Variants in MYOF observed in about 807,000 individuals in gnomAD.
The protein encoded by MYOF is myoferlin, also known as fer-1-like 3, myoferlin.
In MYOF, 244 loss-of-function variants were observed where a neutral mutation model predicts 284.2. The ratio of observed to expected loss-of-function variants is 0.86; its 90% CI spans 0.77 to 0.95. The LOEUF (loss-of-function observed/expected upper bound fraction) is 0.95, where lower values mean the gene tolerates loss of function less well. Ranked by LOEUF, MYOF falls within the 40% of genes least tolerant of loss-of-function variation. MYOF has a pLI of 0.00. For missense variants in MYOF, 2,496 were observed against 2,560.6 expected, an observed-to-expected ratio of 0.97 and a Z score of 0.54; for synonymous variants, 904 against 919.7, an observed-to-expected ratio of 0.98 and a Z score of 0.31.
intron 3 of MYOF, among the ~76,000 whole-genome samples, chr10:93,445,144 T>A (rs1300293199): frequency 6.6e-6 from 1 of 152,220 alleles, no homozygotes; most frequent in Non-Finnish European, 1.5e-5. Context: ...GCAGAGATAA[T>A]TGATCATTCT....
chr10:93,357,951 A>G (rs949938094), intron 29 of MYOF, among the ~76,000 whole-genome samples: 4 of 152,202 alleles, frequency 2.6e-5, no homozygotes, highest in African/African-American at 9.6e-5. Flanking sequence ...TAAACAATAG[A>G]GAGACATTCA....
chr10:93,408,925 A>C lies in MYOF; in HGVS notation c.601-10T>G. On this transcript the variant is annotated splice_polypyrimidine_tract_variant and intron_variant, in intron 6 of 53. Transcript: ENST00000359263. ...TCACTCGGACGCGGATCTGCAGCAC[A>C]GAAGGGGGATGGTTACCCAACCTTT... 7 of 1,613,754 alleles carry C rather than the reference A, an allele frequency of 4.3e-6. No homozygotes were observed. Among genetic ancestry groups the C allele is most frequent in the Non-Finnish European group, 5.9e-6 (7 of 1,179,694 alleles).
chr10:93,340,492 C>T (rs1171741975), intron 38 of MYOF, among the ~76,000 whole-genome samples: 1 of 152,144 alleles, frequency 6.6e-6, no homozygotes, highest in Admixed American at 6.5e-5. Flanking sequence ...GTCGGGAGCA[C>T]ACAGCTCACA....
chr10:93,453,989 C>T (rs886716178), intron 2 of MYOF, among the ~76,000 whole-genome samples: 1 of 152,080 alleles, frequency 6.6e-6, no homozygotes, highest in Non-Finnish European at 1.5e-5. Context: ...TCGAGACCAG[C>T]CTGACCAACA....
At chr10:93,421,675 C>T (rs1448010083) in intron 5 of MYOF, among the ~76,000 whole-genome samples, 1 of 152,160 alleles carries the variant, frequency 6.6e-6, no homozygotes, top group Non-Finnish European at 1.5e-5. Context: ...TCATTTTCCT[C>T]CTCTCTGATC....
intron 18 of MYOF, among the ~76,000 whole-genome samples, chr10:93,388,510 C>T (rs1846511989): frequency 6.6e-6 from 1 of 152,208 alleles, no homozygotes; most frequent in Admixed American, 6.5e-5. Context: ...GAAGGGTCCC[C>T]ACCTCCACAG....
intron 20 of MYOF, 142 bp downstream of exon 20, chr10:93,381,077 C>A (rs1165410741): frequency 2.1e-6 from 2 of 945,316 alleles, no homozygotes; most frequent in Admixed American, 5.4e-5. Context: ...CCCAACCACA[C>A]TCTCTTCCTC....
intron 1 of MYOF, 117 bp downstream of exon 1, chr10:93,481,990 C>T: frequency 1.0e-6 from 1 of 969,218 alleles, no homozygotes; most frequent in Non-Finnish European, 1.6e-6. Context: ...AGGTAACAAA[C>T]GCTGCTGGAG....
intron 5 of MYOF, among the ~76,000 whole-genome samples, chr10:93,422,911 T>A (rs1443106662): frequency 6.7e-6 from 1 of 149,926 alleles, no homozygotes; most frequent in African/African-American, 2.5e-5. Context: ...AACCACAGTA[T>A]TTTTTTTTTC....
In MYOF at chr10:93,438,789, C is replaced by T. The variant is rs74940310; in HGVS notation, c.237-7273G>A. On this transcript the variant is annotated intron_variant, in intron 3 of 53. Transcript: ENST00000359263. ...TCCAGGCTCACGTTTGAGAACCACG[C>T]ATCGAAGTCCAATTATTTAATAGAA... is the stretch of plus-strand genomic sequence containing the variant. 5.4e-3 allele frequency among the ~76,000 whole-genome samples: 824 copies of T among 152,106 alleles called. 9 individuals are homozygous for T. The highest frequency in any genetic ancestry group is 0.019 in the African/African-American group (801 of 41,506).
At position 93,328,868 on chromosome 10, in the gene MYOF, G is replaced by A; in HGVS notation, c.5026C>T (p.Leu1676=). The part of the protein sequence containing the change: ...TWRDQLRPTQ[L]LQNVARFKGF... ...TTGAATCTGGCGACATTTTGAAGCA[G>A]CTGTGTTGGTCTCAGTTGATCTCGC... Residue 1676 remains leucine (L), a synonymous_variant, in exon 45 of 54, where the codon CTG becomes TTG. Transcript: ENST00000359263. The A allele has an allele frequency of 3.7e-6, 6 of 1,613,682 alleles. No homozygotes were observed. In the South Asian group the frequency reaches 6.6e-5, roughly 18 times the overall value.
At chr10:93,443,779 G>A (rs567527860) in intron 3 of MYOF, among the ~76,000 whole-genome samples, 13 of 152,148 alleles carry the variant, frequency 8.5e-5, no homozygotes, top group Non-Finnish European at 1.5e-4. Flanking sequence ...TGTGTCAGGT[G>A]GGAGGGTAAA....
intron 5 of MYOF, among the ~76,000 whole-genome samples, chr10:93,410,585 A>C (rs1847861137): frequency 6.6e-6 from 1 of 152,050 alleles, no homozygotes; most frequent in South Asian, 2.1e-4. Context: ...AAAACCAAAA[A>C]CCAAAAATCA....
At chr10:93,378,697 A>ATATATATATGTATATATATATATG (rs1845969000) in intron 21 of MYOF, among the ~76,000 whole-genome samples, 1 of 63,936 alleles carries the variant, frequency 1.6e-5, no homozygotes, top group African/African-American at 8.3e-5. Flanking sequence ...GTGTGTGTAT[A>ATATATATATGTATATATATATATG]TATATATATA....
intron 41 of MYOF, among the ~76,000 whole-genome samples, chr10:93,335,646 G>A (rs954058755): frequency 1.5e-5 from 2 of 136,898 alleles, no homozygotes; most frequent in African/African-American, 5.3e-5. Context: ...TGCTTGGCGT[G>A]AGCAGGGAGG....
At chr10:93,461,004 A>G (rs1373243837) in intron 1 of MYOF, among the ~76,000 whole-genome samples, 1 of 151,968 alleles carries the variant, frequency 6.6e-6, no homozygotes, top group African/African-American at 2.4e-5. Context: ...CTGAGGCAGG[A>G]GAATCGCTTG....
At chr10:93,440,269 G>T (rs777302853) in intron 3 of MYOF, among the ~76,000 whole-genome samples, 1 of 152,028 alleles carries the variant, frequency 6.6e-6, no homozygotes, top group Non-Finnish European at 1.5e-5. Context: ...AAAATTAGTC[G>T]GGCGTGGTGG....
chr10:93,329,683 T>C lies in MYOF; in HGVS notation c.4963A>G (p.Ile1655Val), dbSNP rs930080292. Residue 1655 changes from isoleucine (I) to valine (V), a missense_variant, in exon 44 of 54, where the codon ATA becomes GTA. Ile to Val is a conservative substitution (Grantham distance 29, BLOSUM62 3). This residue lies in a region of MYOF where 2,436 missense variants were observed against 2,480.7 expected (regional missense o/e 0.98). Transcript: ENST00000359263. ...ACTTACACACAGTACTCCTCTGGTA[T>C]GCCGCAGTGGGACCCAAAGCGGGAA... ...FLSRFGSHCGIPEEYCVSGVN... is the reference protein window; with the variant it reads ...FLSRFGSHCGVPEEYCVSGVN... 2 of 1,614,006 alleles carry C rather than the reference T, an allele frequency of 1.2e-6. No individual in the cohort carries two copies. Among genetic ancestry groups the C allele is most frequent in the Admixed American group, 1.7e-5 (1 of 60,010 alleles).
Position 93,373,013 on chromosome 10 carries a change from G to T in MYOF, c.2374C>A (p.Pro792Thr), listed in dbSNP as rs756351838. The T allele has an allele frequency of 1.2e-6, 2 of 1,614,044 alleles. No homozygotes were observed. The highest frequency in any genetic ancestry group is 2.7e-5 in the African/African-American group (2 of 74,910). ...GEKRLAYARI[P>T]AHQVLYSTSG... The stretch of plus-strand genomic sequence containing the variant: ...GTGGAGTACAAGACCTGATGTGCGG[G>T]AATTCGTGCATAGGCCAGTCTCTTC... Residue 792 changes from proline (P) to threonine (T), a missense_variant, in exon 24 of 54, where the codon CCC (proline) becomes ACC (threonine). Coordinates refer to ENST00000359263, the MANE Select transcript of MYOF (RefSeq NM_013451.4).
Sources: allele counts gnomAD v4.1 joint callset (sites outside exome capture counted in the v4.1 genomes callset), GRCh38; gene constraint gnomAD v4.1.1; regional missense constraint gnomAD v4.1.1; transcripts MANE v1.5; gene names NCBI Gene and HGNC (gene_info 2026-07-23, HGNC 2026-07-21).